The following NRXN3 variants were observed in gnomAD, a reference collection of about 807,000 sequenced individuals.
NRXN3 encodes neurexin III.
In NRXN3, 32 loss-of-function variants were observed where a neutral mutation model predicts 137.6. The ratio of observed to expected loss-of-function variants is 0.23; its 90% confidence interval spans 0.18 to 0.31. The LOEUF is 0.31. NRXN3 is among the 10% of genes least tolerant of loss of function. The probability of loss-of-function intolerance (pLI) is 1.00; values close to 1 mark genes in which losing one functional copy is unlikely to be tolerated. For synonymous variants in NRXN3, 798 were observed against 784.5 expected (o/e 1.02, Z -0.29); for missense variants, 1,574 against 2,062.5 (o/e 0.76, Z 4.59).
intron 4 of NRXN3, among the ~76,000 whole-genome samples, chr14:78,317,675 C>T (rs762701584): frequency 3.9e-5 from 6 of 152,100 alleles, no homozygotes; most frequent in East Asian, 1.9e-4. Context: ...GATTCTAATG[C>T]GAATCCCATT....
chr14:78,445,410 C>T (rs1375477041), intron 4 of NRXN3, among the ~76,000 whole-genome samples: 4 of 152,186 alleles, frequency 2.6e-5, no homozygotes, highest in East Asian at 3.8e-4. Context: ...AATGTTAGTG[C>T]AGCCAGAGGG....
chr14:78,966,513 T>C, intron 12 of NRXN3, 107 bp downstream of exon 12: 1 of 1,158,008 alleles, frequency 8.6e-7, no homozygotes, highest in South Asian at 1.6e-5. Context: ...CTACCCTCCA[T>C]TCCTGACACA....
intron 4 of NRXN3, among the ~76,000 whole-genome samples, chr14:78,429,077 T>C (rs1020774989): frequency 6.6e-6 from 1 of 151,898 alleles, no homozygotes; most frequent in East Asian, 1.9e-4. Flanking sequence ...TAATTACTAT[T>C]ATTATTATTA....
intron 4 of NRXN3, among the ~76,000 whole-genome samples, chr14:78,501,744 T>C (rs772872243): frequency 5.9e-5 from 9 of 152,162 alleles, no homozygotes; most frequent in South Asian, 2.1e-4. Context: ...TGTACATTCA[T>C]AGCTGTCCAC....
chr14:79,599,241 G>T lies in NRXN3; in HGVS notation c.3445-64537G>T, dbSNP rs1014945220. ...TTATATCTCAGGATGACATTCATTT[G>T]GTTCTAATCCTTGAACTCATTTGAA... On this transcript the variant is annotated intron_variant, in intron 16 of 20. Transcript: ENST00000335750. 2.0e-5 allele frequency among the ~76,000 whole-genome samples: 3 copies of T among 151,986 alleles called. No homozygotes were observed. The East Asian group carries it at 5.8e-4, about 29-fold the overall frequency.
intron 15 of NRXN3, among the ~76,000 whole-genome samples, chr14:79,449,512 C>G (rs184756102): frequency 1.4e-3 from 212 of 152,230 alleles, no homozygotes; most frequent in African/African-American, 4.8e-3. Context: ...AGTGAATGAG[C>G]TGTAATTTTT....
At chr14:79,798,672 C>T (rs777769777) in intron 19 of NRXN3, among the ~76,000 whole-genome samples, 1 of 152,126 alleles carries the variant, frequency 6.6e-6, no homozygotes, top group African/African-American at 2.4e-5. Context: ...TTGATTATCC[C>T]TCAAAATGAT....
At chr14:79,414,877 A>G (rs1768455709) in intron 15 of NRXN3, among the ~76,000 whole-genome samples, 1 of 151,882 alleles carries the variant, frequency 6.6e-6, no homozygotes, top group Non-Finnish European at 1.5e-5. Flanking sequence ...CTATTTCCTG[A>G]CCCCTGGTAA....
chr14:78,711,617 A>G (rs1046722116), intron 7 of NRXN3, among the ~76,000 whole-genome samples: 1 of 151,576 alleles, frequency 6.6e-6, no homozygotes, highest in Non-Finnish European at 1.5e-5. Flanking sequence ...ATTTTTGTCT[A>G]TTTAGTAGAG....
At chr14:79,678,767 A>G (rs1349505218) in intron 17 of NRXN3, among the ~76,000 whole-genome samples, 1 of 152,168 alleles carries the variant, frequency 6.6e-6, no homozygotes, top group Non-Finnish European at 1.5e-5. Flanking sequence ...TGGTACATCA[A>G]TAGATACTGC....
chr14:79,519,338 T>G (rs891381367), intron 16 of NRXN3, among the ~76,000 whole-genome samples: 1 of 152,116 alleles, frequency 6.6e-6, no homozygotes, highest in Non-Finnish European at 1.5e-5. Flanking sequence ...TGTTTACCCT[T>G]TTTAATTTTT....
intron 19 of NRXN3, among the ~76,000 whole-genome samples, chr14:79,765,523 T>A (rs1247503044): frequency 6.6e-6 from 1 of 152,200 alleles, no homozygotes. Flanking sequence ...TGGGAACTTC[T>A]GTGACACTAT....
intron 16 of NRXN3, among the ~76,000 whole-genome samples, chr14:79,579,249 G>T (rs936893867): frequency 8.0e-5 from 12 of 150,118 alleles, no homozygotes; most frequent in African/African-American, 2.9e-4. Context: ...AATAACTCAA[G>T]TTTTCTTTCT....
intron 4 of NRXN3, among the ~76,000 whole-genome samples, chr14:78,416,344 C>A (rs987996081): frequency 1.3e-5 from 2 of 152,066 alleles, no homozygotes; most frequent in African/African-American, 4.8e-5. Flanking sequence ...CAGTTGAGCC[C>A]TGAATAAAGG....
chr14:78,198,753 A>C (rs560162600), intron 1 of NRXN3, among the ~76,000 whole-genome samples: 1 of 152,370 alleles, frequency 6.6e-6, no homozygotes, highest in South Asian at 2.1e-4. Flanking sequence ...CAGCACTTAG[A>C]TGACACCAAT....
Position 79,808,272 on chromosome 14 carries a change from A to ATG in NRXN3, c.4093+3083_4093+3084insGT, listed in dbSNP as rs892766308. ...AAAAAAAAAATATATATATATATAT[A>ATG]TATGTATGTATGTATGTATGTATCT... On this transcript the variant is annotated intron_variant, in intron 20 of 20. Transcript: ENST00000335750. Among the ~76,000 whole-genome samples the ATG allele has an allele frequency of 4.7e-3, 683 of 145,394 alleles. 3 individuals are homozygous for ATG. Among genetic ancestry groups the ATG allele is most frequent in the East Asian group, 8.0e-3 (40 of 5,004 alleles).
intron 14 of NRXN3, among the ~76,000 whole-genome samples, chr14:78,984,562 A>C (rs531870133): frequency 2.0e-5 from 3 of 152,336 alleles, no homozygotes; most frequent in African/African-American, 7.2e-5. Context: ...CCAAGGGTCC[A>C]GCAGGAAGCG....
At chr14:79,404,817 G>A (rs1472994916) in intron 15 of NRXN3, among the ~76,000 whole-genome samples, 2 of 152,162 alleles carry the variant, frequency 1.3e-5, no homozygotes, top group Admixed American at 6.5e-5. Context: ...AAGAAAGGAT[G>A]GTGCTTCCCT....
chr14:79,061,491 T>A (rs1331453141), intron 15 of NRXN3, among the ~76,000 whole-genome samples: 2 of 152,116 alleles, frequency 1.3e-5, no homozygotes, highest in Non-Finnish European at 2.9e-5. Flanking sequence ...GGGAATGTGA[T>A]AAGGGTGTGT....
Sources: gnomAD v4.1 joint callset for allele counts (sites outside exome capture counted in the v4.1 genomes callset) on GRCh38, gnomAD v4.1.1 for gene constraint, MANE v1.5 for transcripts, NCBI Gene and HGNC (gene_info 2026-07-23, HGNC 2026-07-21) for gene names.